RANBP17: variants seen among roughly 807,000 people sequenced by gnomAD.
RANBP17 encodes the protein RAN binding protein 17.
RANBP17 carries 158 observed loss-of-function variants against 141.2 expected under a neutral mutation model. That is an observed-to-expected ratio of 1.12 (90% CI 0.98 to 1.28). RANBP17 has a LOEUF of 1.28. RANBP17 is among the 50% of genes most tolerant of loss of function. The pLI, the probability that RANBP17 is intolerant of heterozygous loss-of-function variation, is 0.00. For missense variants in RANBP17, 1,438 were observed against 1,290.7 expected (o/e 1.11, Z -1.75); for synonymous variants, 430 against 450.0 (o/e 0.96, Z 0.56).
At chr5:170,947,513 GTAT>G (rs1325702678) in intron 12 of RANBP17, among the ~76,000 whole-genome samples, 1 of 152,132 alleles carries the variant, frequency 6.6e-6, no homozygotes, top group Non-Finnish European at 1.5e-5. Context: ...GGGGGGGATT[GTAT>G]TATCTATTAC....
rs978938808 is a variant in RANBP17, at chr5:171,095,019, C to G, written c.1711-75111C>G. 2.0e-5 allele frequency among the ~76,000 whole-genome samples: 3 copies of G among 152,256 alleles called. No homozygotes were observed. In the East Asian group the frequency reaches 5.8e-4, roughly 29 times the overall value. Reference sequence around the variant, plus strand: ...GGTCCCTCTGTGTTTGCTTGCTATTCCAACATGTTATAACATAGCACAGAG... The same window carrying G: ...GGTCCCTCTGTGTTTGCTTGCTATTGCAACATGTTATAACATAGCACAGAG... On this transcript the variant is annotated intron_variant, in intron 14 of 27. Coordinates refer to ENST00000523189, the MANE Select transcript of RANBP17 (RefSeq NM_022897.5).
At chr5:170,948,219 A>G (rs1203839898) in intron 12 of RANBP17, among the ~76,000 whole-genome samples, 2 of 152,158 alleles carry the variant, frequency 1.3e-5, no homozygotes, top group Non-Finnish European at 2.9e-5. Context: ...TATCATAGCA[A>G]AAGAGGAGCT....
intron 14 of RANBP17, among the ~76,000 whole-genome samples, chr5:171,039,477 G>A (rs1004051897): frequency 6.6e-6 from 1 of 151,586 alleles, no homozygotes; most frequent in Non-Finnish European, 1.5e-5. Context: ...AATAGATTCT[G>A]GATATTAGAC....
At chr5:170,984,311 A>G (rs1052033107) in intron 14 of RANBP17, among the ~76,000 whole-genome samples, 9 of 152,158 alleles carry the variant, frequency 5.9e-5, no homozygotes, top group African/African-American at 2.2e-4. Flanking sequence ...CAGAATGTTC[A>G]TGGAATAAAA....
intron 14 of RANBP17, among the ~76,000 whole-genome samples, chr5:171,017,298 T>C (rs1780507305): frequency 5.3e-5 from 8 of 152,192 alleles, no homozygotes; most frequent in Admixed American, 5.2e-4. Context: ...TAAATGGTAT[T>C]TCTGGTTCTA....
At chr5:170,889,543 A>G (rs956179247) in intron 3 of RANBP17, among the ~76,000 whole-genome samples, 4 of 152,306 alleles carry the variant, frequency 2.6e-5, no homozygotes, top group East Asian at 1.9e-4. Flanking sequence ...TTTTTGGCCT[A>G]TAAGACAGAA....
intron 2 of RANBP17, among the ~76,000 whole-genome samples, chr5:170,880,530 A>AT (rs1214052359): frequency 6.6e-6 from 1 of 152,138 alleles, no homozygotes; most frequent in Non-Finnish European, 1.5e-5. Context: ...TTGCAGTCTC[A>AT]TTTTTTATAT....
chr5:171,101,945 G>T (rs1787194172), intron 14 of RANBP17, among the ~76,000 whole-genome samples: 1 of 152,174 alleles, frequency 6.6e-6, no homozygotes, highest in Admixed American at 6.5e-5. Flanking sequence ...GGCTTGTAGG[G>T]TTTCTGCAGA....
intron 18 of RANBP17, among the ~76,000 whole-genome samples, chr5:171,198,110 G>A (rs1443987544): frequency 5.3e-5 from 8 of 152,312 alleles, no homozygotes; most frequent in South Asian, 4.1e-4. Flanking sequence ...ATTTAGGAAA[G>A]CTTAGCTTAG....
intron 14 of RANBP17, among the ~76,000 whole-genome samples, chr5:171,013,585 T>A (rs1182039205): frequency 6.6e-6 from 1 of 152,156 alleles, no homozygotes; most frequent in African/African-American, 2.4e-5. Context: ...TATATATGTG[T>A]AGATCTTTTT....
At chr5:171,282,000 G>A (rs1440547268) in intron 25 of RANBP17, among the ~76,000 whole-genome samples, 1 of 152,148 alleles carries the variant, frequency 6.6e-6, no homozygotes, top group African/African-American at 2.4e-5. Flanking sequence ...GAAATCTGGA[G>A]GAAAGAAACT....
intron 14 of RANBP17, among the ~76,000 whole-genome samples, chr5:171,158,136 G>A (rs1759034772): frequency 6.6e-6 from 1 of 152,214 alleles, no homozygotes; most frequent in Non-Finnish European, 1.5e-5. Flanking sequence ...TGAATATAGT[G>A]CTTTATCTGC....
At chr5:171,064,136 C>T (rs1413722492) in intron 14 of RANBP17, among the ~76,000 whole-genome samples, 1 of 152,234 alleles carries the variant, frequency 6.6e-6, no homozygotes, top group East Asian at 1.9e-4. Flanking sequence ...ATGCCTCGCC[C>T]TGCTTCGGCT....
chr5:170,925,102 T>C (rs1374695588), intron 12 of RANBP17, among the ~76,000 whole-genome samples: 1 of 152,160 alleles, frequency 6.6e-6, no homozygotes, highest in East Asian at 1.9e-4. Flanking sequence ...CCAATTTTCT[T>C]GTTAAGATGC....
Position 171,299,103 on chromosome 5 carries a change from T to A in RANBP17, c.*245T>A. The A allele has an allele frequency of 2.5e-6, 1 of 399,330 alleles. No individual in the cohort carries two copies. Among genetic ancestry groups the A allele is most frequent in the Non-Finnish European group, 4.6e-6 (1 of 219,500 alleles). The allele number at this position is 399,330 out of a possible 1,614,324, so 24.7% of individuals were successfully genotyped here. A position where few individuals can be genotyped will look rare whatever the true frequency, so the allele number is the denominator to read the frequency against. On this transcript the variant is annotated 3_prime_UTR_variant, in exon 28 of 28. Transcript: ENST00000523189. ...TTCAGTCTTTCTATCAAATATTATC[T>A]TTGTTCTCCTAATGCTCTGAAAGGA... is the stretch of plus-strand genomic sequence containing the variant.
chr5:170,996,953 C>T lies in RANBP17; in HGVS notation c.1710+28576C>T, dbSNP rs1016174345. 6.6e-5 allele frequency among the ~76,000 whole-genome samples: 10 copies of T among 152,114 alleles called. No homozygotes were observed. In the East Asian group the frequency reaches 9.7e-4, roughly 15 times the overall value. On this transcript the variant is annotated intron_variant, in intron 14 of 27. Coordinates refer to ENST00000523189, the MANE Select transcript of RANBP17 (RefSeq NM_022897.5). ...AAACACATAAGAATCCTGAATGATA[C>T]GGTTAAGCTTTGTGTCCCCACCCAA...
At chr5:170,890,974 T>A (rs186855230) in intron 3 of RANBP17, among the ~76,000 whole-genome samples, 1 of 152,170 alleles carries the variant, frequency 6.6e-6, no homozygotes, top group African/African-American at 2.4e-5. Flanking sequence ...TGTAGGCGCA[T>A]GTCACAATAC....
chr5:170,968,124 T>C (rs1327433761), intron 13 of RANBP17, 118 bp from the exon 14 acceptor site: 4 of 687,598 alleles, frequency 5.8e-6, no homozygotes, highest in African/African-American at 1.9e-5. Flanking sequence ...TTTATATTTT[T>C]TTATTTTCCC....
chr5:170,923,559 TG>T (rs2127444564), intron 11 of RANBP17, among the ~76,000 whole-genome samples: 1 of 152,326 alleles, frequency 6.6e-6, no homozygotes, highest in Admixed American at 6.5e-5. Context: ...GGGATTGCAT[TG>T]AAACTATAGA....
Sources: gnomAD v4.1 joint callset for allele counts (sites outside exome capture counted in the v4.1 genomes callset) on GRCh38, gnomAD v4.1.1 for gene constraint, MANE v1.5 for transcripts, NCBI Gene and HGNC (gene_info 2026-07-23, HGNC 2026-07-21) for gene names.